Variants in WDR49 observed in about 807,000 individuals in gnomAD.
The protein encoded by WDR49 is cilia- and flagella-associated protein 337.
WDR49 carries 107 observed loss-of-function variants against 119.5 expected under a neutral mutation model. That is an observed-to-expected ratio of 0.90 (90% CI 0.77 to 1.05). WDR49 has a LOEUF of 1.05. WDR49 is among the 50% of genes least tolerant of loss of function. The pLI, the probability that WDR49 is intolerant of heterozygous loss-of-function variation, is 0.00. For synonymous variants in WDR49, 425 were observed against 418.8 expected (o/e 1.01, Z -0.18); for missense variants, 1,240 against 1,220.5 (o/e 1.02, Z -0.24).
chr3:167,637,076 C>T (rs1162326194), intron 2 of WDR49, among the ~76,000 whole-genome samples: 1 of 151,562 alleles, frequency 6.6e-6, no homozygotes, highest in South Asian at 2.1e-4. Context: ...CTAAGCCAAC[C>T]TCTAGAATGG....
chr3:167,545,877 C>A (rs1194366437), intron 10 of WDR49, among the ~76,000 whole-genome samples: 1 of 143,864 alleles, frequency 7.0e-6, no homozygotes, highest in Admixed American at 6.9e-5. Flanking sequence ...AAATAAAAAG[C>A]AAATAAATAA....
chr3:167,542,935 G>A (rs1711931168), intron 10 of WDR49, among the ~76,000 whole-genome samples: 1 of 151,832 alleles, frequency 6.6e-6, no homozygotes, highest in African/African-American at 2.4e-5. Context: ...ATCCATATAA[G>A]CTAAATTAGA....
intron 2 of WDR49, among the ~76,000 whole-genome samples, chr3:167,645,816 G>T (rs2108344701): frequency 6.6e-6 from 1 of 152,150 alleles, no homozygotes; most frequent in East Asian, 1.9e-4. Context: ...AGCCTGCCTG[G>T]GACTTCTATT....
At chr3:167,547,630 G>A (rs1712287942) in intron 10 of WDR49, among the ~76,000 whole-genome samples, 1 of 149,392 alleles carries the variant, frequency 6.7e-6, no homozygotes, top group Non-Finnish European at 1.5e-5. Flanking sequence ...AAATGAAACT[G>A]TCCCTATTCT....
chr3:167,592,663 G>A (rs1715201746), intron 7 of WDR49, among the ~76,000 whole-genome samples: 1 of 152,006 alleles, frequency 6.6e-6, no homozygotes. Flanking sequence ...TCCATCTTTT[G>A]CCCTCACGAT....
At chr3:167,496,532 C>T (rs1751360499) in intron 18 of WDR49, among the ~76,000 whole-genome samples, 1 of 152,040 alleles carries the variant, frequency 6.6e-6, no homozygotes, top group Non-Finnish European at 1.5e-5. Context: ...CTCTGGTTTC[C>T]CTGAAAAGTC....
chr3:167,647,250 C>T lies in WDR49; in HGVS notation c.165+6011G>A, dbSNP rs62278325. On this transcript the variant is annotated intron_variant, in intron 2 of 18. Transcript: ENST00000682715. ...AACAAGCTTTTCTTGGTTGTCTTCA[C>T]TTCTCCAGTTTTGGCCAACACTCAA... Among the ~76,000 whole-genome samples, 1,036 of 152,304 alleles carry T rather than the reference C, an allele frequency of 6.8e-3. 4 individuals are homozygous for T. Among genetic ancestry groups the T allele is most frequent in the Non-Finnish European group, 1.0e-2 (678 of 68,016 alleles).
At chr3:167,547,661 T>C (rs946943543) in intron 10 of WDR49, among the ~76,000 whole-genome samples, 2 of 151,242 alleles carry the variant, frequency 1.3e-5, no homozygotes, top group Non-Finnish European at 3.0e-5. Flanking sequence ...ATTTTCTTTT[T>C]TTTTTTTTTT....
At chr3:167,524,530 T>G (rs965477771) in intron 15 of WDR49, among the ~76,000 whole-genome samples, 1 of 152,218 alleles carries the variant, frequency 6.6e-6, no homozygotes, top group African/African-American at 2.4e-5. Context: ...AGGGTTTTTA[T>G]AGTTTTAGGT....
intron 7 of WDR49, among the ~76,000 whole-genome samples, 177 bp downstream of exon 7, chr3:167,601,949 CT>C (rs1715790529): frequency 6.6e-6 from 1 of 152,134 alleles, no homozygotes; most frequent in South Asian, 2.1e-4. Context: ...TCTAGGACTA[CT>C]GTTAAGTAAC....
upstream of WDR49, among the ~76,000 whole-genome samples, chr3:167,657,360 T>C (rs972894996): frequency 2.6e-5 from 4 of 152,170 alleles, no homozygotes; most frequent in Non-Finnish European, 5.9e-5. Flanking sequence ...TTCCAACTTA[T>C]TGAAAATGTG....
chr3:167,653,087 G>A (rs1370196243), intron 2 of WDR49, among the ~76,000 whole-genome samples, 174 bp downstream of exon 2: 1 of 152,000 alleles, frequency 6.6e-6, no homozygotes, highest in Non-Finnish European at 1.5e-5. Flanking sequence ...AAGAACTGAG[G>A]GGCAAAGCTA....
chr3:167,526,626 A>C (rs576794526), intron 15 of WDR49, among the ~76,000 whole-genome samples: 8 of 152,088 alleles, frequency 5.3e-5, no homozygotes, highest in Non-Finnish European at 1.0e-4. Flanking sequence ...TATTTACAAA[A>C]TACAAGAGAT....
intron 2 of WDR49, among the ~76,000 whole-genome samples, chr3:167,652,542 T>C (rs1386425890): frequency 1.3e-5 from 2 of 152,188 alleles, no homozygotes; most frequent in Non-Finnish European, 2.9e-5. Flanking sequence ...CTACCCATAT[T>C]TGAAACTAAA....
chr3:167,635,111 A>G lies in WDR49; in HGVS notation c.166-7819T>C, dbSNP rs58555029. Among the ~76,000 whole-genome samples, 1,457 of 151,928 alleles carry G rather than the reference A, an allele frequency of 9.6e-3. 78 individuals are homozygous for G. In the East Asian group the frequency reaches 0.13, roughly 13 times the overall value. On this transcript the variant is annotated intron_variant, in intron 2 of 18. Transcript: ENST00000682715. The stretch of plus-strand genomic sequence containing the variant: ...TATTCCCAAGGCTTTACAGTTTTAT[A>G]TAAACAACCCAGCAACATATATATA...
chr3:167,550,377 T>A (rs905000122), intron 10 of WDR49, among the ~76,000 whole-genome samples: 5 of 152,144 alleles, frequency 3.3e-5, no homozygotes, highest in African/African-American at 4.8e-5. Flanking sequence ...TGTTGAGCAG[T>A]GGTTTGTAGT....
In WDR49 at chr3:167,545,501, ATT is replaced by A. The variant is rs1560278833; in HGVS notation, c.1824-8503_1824-8502del. Among the ~76,000 whole-genome samples the A allele has an allele frequency of 1.0e-4, 13 of 129,456 alleles. 1 individual carries two copies. Among genetic ancestry groups the A allele is most frequent in the African/African-American group, 3.1e-4 (11 of 35,208 alleles). 84.9% of individuals were successfully genotyped at this position (129,456 alleles called of 152,430 possible). On this transcript the variant is annotated intron_variant, in intron 10 of 18. Transcript: ENST00000682715. The stretch of plus-strand genomic sequence containing the variant: ...AAAATGTACCATATATATATTATAT[ATT>A]ATATATTATATATATATATATGCAC...
At chr3:167,620,343 G>C (rs1350345409) in intron 5 of WDR49, 86 bp downstream of exon 5, 3 of 1,356,704 alleles carry the variant, frequency 2.2e-6, no homozygotes, top group South Asian at 1.7e-5. Context: ...AGACTTAAAG[G>C]TTTTGTGTGA....
At chr3:167,487,379 A>G (rs1750966712) in intron 18 of WDR49, among the ~76,000 whole-genome samples, 1 of 152,026 alleles carries the variant, frequency 6.6e-6, no homozygotes, top group Non-Finnish European at 1.5e-5. Flanking sequence ...AAAATTAACT[A>G]AGGTTGAATT....
Sources: gnomAD v4.1 joint callset for allele counts (sites outside exome capture counted in the v4.1 genomes callset) on GRCh38, gnomAD v4.1.1 for gene constraint, MANE v1.5 for transcripts, NCBI Gene and HGNC (gene_info 2026-07-23, HGNC 2026-07-21) for gene names.